PHLDB1: variants seen among roughly 807,000 people sequenced by gnomAD.
The protein encoded by PHLDB1 is pleckstrin homology-like domain family B member 1.
Under a neutral mutation model 139.3 loss-of-function variants are expected in PHLDB1, and 65 were observed. That is an observed-to-expected ratio of 0.47 (90% CI 0.38 to 0.57). The LOEUF (loss-of-function observed/expected upper bound fraction) is 0.57, where lower values mean the gene tolerates loss of function less well. Ranked by LOEUF, PHLDB1 falls within the 20% of genes least tolerant of loss-of-function variation. PHLDB1 has a pLI of 0.00. For missense variants in PHLDB1, 1,624 were observed against 1,839.7 expected (o/e 0.88, Z 2.14); for synonymous variants, 679 against 734.5 (o/e 0.92, Z 1.22).
rs143381600 is a variant in PHLDB1, at chr11:118,645,959, G to A, written c.3507+134G>A. Reference sequence around the variant, plus strand: ...GCCACATTCCCTTGGGGTAGAAAATGTTTTAAAAGGTTGTATTCTGGCCGG... The same window carrying A: ...GCCACATTCCCTTGGGGTAGAAAATATTTTAAAAGGTTGTATTCTGGCCGG... On this transcript the variant is annotated intron_variant, in intron 17 of 22. Coordinates refer to ENST00000600882, the MANE Select transcript of PHLDB1 (RefSeq NM_001144758.3). The surrounding 1 kb of genome is among the most constrained non-coding windows in gnomAD (Gnocchi z 5.1). 3.9e-4 allele frequency: 269 copies of A among 698,466 alleles called. 2 individuals carry two copies. The highest frequency in any genetic ancestry group is 3.4e-3 in the African/African-American group (193 of 57,062). The allele number at this position is 698,466 out of a possible 1,614,324, so 43.3% of individuals were successfully genotyped here. A position where few individuals can be genotyped will look rare whatever the true frequency, so the allele number is the denominator to read the frequency against.
rs57599971 is a variant in PHLDB1, at chr11:118,623,917, T to TGTGAGA, written c.356-1016_356-1015insTGAGAG. Among the ~76,000 whole-genome samples the TGTGAGA allele has an allele frequency of 3.5e-4, 50 of 144,390 alleles. No individual in the cohort carries two copies. In the East Asian group the frequency reaches 5.9e-3, roughly 17 times the overall value. The allele number at this position is 144,390 out of a possible 152,430, so 94.7% of individuals were successfully genotyped here. ...GTGTGTGTGTGTGTGTGTGTGTGTG[T>TGTGAGA]GAGACGGAGTTTCGCTCTGTTGCCC... On this transcript the variant is annotated intron_variant, in intron 4 of 22. Coordinates refer to ENST00000600882, the MANE Select transcript of PHLDB1 (RefSeq NM_001144758.3).
intron 12 of PHLDB1, chr11:118,641,701 G>C (rs868922809): frequency 7.8e-7 from 1 of 1,289,446 alleles, no homozygotes. Context: ...CTGGGCCTCC[G>C]CCTCCCGGGA....
At chr11:118,639,729 C>T (rs1946216165) in intron 12 of PHLDB1, 3 of 438,684 alleles carry the variant, frequency 6.8e-6, no homozygotes, top group Non-Finnish European at 6.2e-6. Context: ...CCAAATAGAA[C>T]ATATCTGGTT....
chr11:118,610,506 GGCCGA>G lies in PHLDB1; in HGVS notation c.-22+2808_-22+2812del. 8.9e-6 allele frequency: 4 copies of G among 450,358 alleles called. No homozygotes were observed. Among genetic ancestry groups the G allele is most frequent in the Non-Finnish European group, 1.2e-5 (4 of 342,796 alleles). 27.9% of individuals were successfully genotyped at this position (450,358 alleles called of 1,614,324 possible). On this transcript the variant is annotated intron_variant, in intron 1 of 22. Transcript: ENST00000600882. The surrounding 1 kb of genome is among the most constrained non-coding windows in gnomAD (Gnocchi z 8.7). ...CATGCACCGCTTGGGCCGAGGCCGA[GGCCGA>G]CCCCCAGGGACACAGGTGAGGCCGG...
At position 118,645,707 on chromosome 11, in the gene PHLDB1, G is replaced by A. The variant is rs1401199896; in HGVS notation, c.3417-28G>A. On this transcript the variant is annotated intron_variant, in intron 16 of 22. Transcript: ENST00000600882. This position sits in a 1 kb window ranked among gnomAD's most constrained non-coding sequence, Gnocchi z 5.1. ...TCAGCCACCGCCTCAGCTCCTTGAT[G>A]CACTTCCTCTTCCCCTTCTCTCCCC... The A allele has an allele frequency of 4.3e-6, 7 of 1,611,236 alleles. No individual in the cohort carries two copies. The highest frequency in any genetic ancestry group is 5.1e-6 in the Non-Finnish European group (6 of 1,177,408).
chr11:118,652,116 G>A (rs552771021), intron 20 of PHLDB1: 2 of 152,428 alleles, frequency 1.3e-5, no homozygotes, highest in South Asian at 2.1e-4. Flanking sequence ...CTCAGAAGAG[G>A]GGAAAGGGCT....
chr11:118,641,738 C>T, intron 12 of PHLDB1: 1 of 1,289,962 alleles, frequency 7.8e-7, no homozygotes, highest in Non-Finnish European at 1.0e-6. Context: ...TGCCTTCCTC[C>T]CATGCTGCCC....
chr11:118,645,867 A>C lies in PHLDB1; in HGVS notation c.3507+42A>C. 1 of 1,276,702 alleles carries C rather than the reference A, an allele frequency of 7.8e-7. No individual in the cohort carries two copies. The highest frequency in any genetic ancestry group is 1.1e-6 in the Non-Finnish European group (1 of 872,854). The allele number at this position is 1,276,702 out of a possible 1,614,324, so 79.1% of individuals were successfully genotyped here. A position where few individuals can be genotyped will look rare whatever the true frequency, so the allele number is the denominator to read the frequency against. ...TCGGGGAGGCAGAAGGTGTTGGGGC[A>C]CAGAGCTACCTACTGCATGTCAAGG... On this transcript the variant is annotated intron_variant, in intron 17 of 22. Transcript: ENST00000600882. The surrounding 1 kb of genome is among the most constrained non-coding windows in gnomAD (Gnocchi z 5.1).
At chr11:118,630,035 T>G (rs1333365065) in intron 6 of PHLDB1, 11 of 1,281,952 alleles carry the variant, frequency 8.6e-6, no homozygotes, top group East Asian at 1.1e-4. Context: ...CCGGTTTTTT[T>G]TTTTTTTTTT....
At chr11:118,639,095 A>AC in intron 11 of PHLDB1, 67 bp from the exon 12 acceptor site, 1 of 1,558,286 alleles carries the variant, frequency 6.4e-7, no homozygotes, top group East Asian at 2.2e-5. Context: ...GGGGTGGAGC[A>AC]CAGGGCCCCC....
intron 15 of PHLDB1, chr11:118,644,671 T>G (rs782064820): frequency 2.3e-6 from 3 of 1,289,500 alleles, no homozygotes; most frequent in Admixed American, 2.3e-5. Flanking sequence ...GCCGAGCCCC[T>G]CCCAACCGAC....
chr11:118,619,465 A>G (rs1408207957), intron 4 of PHLDB1, among the ~76,000 whole-genome samples: 1 of 152,058 alleles, frequency 6.6e-6, no homozygotes, highest in Admixed American at 6.6e-5. Flanking sequence ...GAAGCCTTCA[A>G]CCTTTTTCTG....
chr11:118,635,955 G>T (rs138254790), intron 10 of PHLDB1, among the ~76,000 whole-genome samples: 12 of 152,324 alleles, frequency 7.9e-5, no homozygotes, highest in African/African-American at 2.9e-4. Context: ...CCAGCTAGGG[G>T]CCCTAGAAAG....
At chr11:118,614,778 A>G in intron 3 of PHLDB1, 96 bp downstream of exon 3, 2 of 1,324,832 alleles carry the variant, frequency 1.5e-6, no homozygotes, top group South Asian at 1.4e-5. Context: ...GGGCCCTTCT[A>G]CTGTCTGCTG....
Position 118,626,685 on chromosome 11 carries a change from T to TA in PHLDB1, c.482-620_482-619insA, listed in dbSNP as rs1943934222. 2.8e-5 allele frequency among the ~76,000 whole-genome samples: 4 copies of TA among 142,236 alleles called. No homozygotes were observed. In the South Asian group the frequency reaches 9.0e-4, roughly 32 times the overall value. 93.3% of individuals were successfully genotyped at this position (142,236 alleles called of 152,430 possible). ...GGCGTGAGCCACCACGCCTGGCCTC[T>TA]TTTTTTTTTGAGACAGTCTTGCTGT... On this transcript the variant is annotated intron_variant, in intron 5 of 22. Transcript: ENST00000600882.
In PHLDB1 at chr11:118,645,180, A is replaced by G. The variant is rs1947281336; in HGVS notation, c.3122-176A>G. 3 of 509,402 alleles carry G rather than the reference A, an allele frequency of 5.9e-6. No individual in the cohort carries two copies. The Admixed American group carries it at 1.1e-4, about 19-fold the overall frequency. The allele number at this position is 509,402 out of a possible 1,614,324, so 31.6% of individuals were successfully genotyped here. On this transcript the variant is annotated intron_variant, in intron 15 of 22. Transcript: ENST00000600882. The surrounding 1 kb of genome is among the most constrained non-coding windows in gnomAD (Gnocchi z 5.1). The stretch of plus-strand genomic sequence containing the variant: ...GGCCGGTTGTGCAGGCGACTGAAGC[A>G]TTGGCAGAGCAGCCAGGCCTGGAGC...
intron 1 of PHLDB1, chr11:118,613,491 G>C: frequency 9.7e-7 from 1 of 1,032,766 alleles, no homozygotes; most frequent in South Asian, 3.5e-5. Context: ...ACAGGGCCAA[G>C]GGTCTTCAGC....
chr11:118,625,975 C>T (rs1555100812), intron 5 of PHLDB1, among the ~76,000 whole-genome samples: 1 of 152,202 alleles, frequency 6.6e-6, no homozygotes, highest in African/African-American at 2.4e-5. Context: ...TACCCTGCCC[C>T]CACCCCAGCC....
chr11:118,650,292 C>A lies in PHLDB1; in HGVS notation c.3771+99C>A. 9.7e-7 allele frequency: 1 copy of A among 1,031,224 alleles called. No homozygotes were observed. The highest frequency in any genetic ancestry group is 1.5e-6 in the Non-Finnish European group (1 of 652,004). The allele number at this position is 1,031,224 out of a possible 1,614,324, so 63.9% of individuals were successfully genotyped here. ...TGGAATAGTGGCGTCAGTCTCTACC[C>A]TCACCTAACCAGATCTCTGTCCCAG... is the stretch of plus-strand genomic sequence containing the variant. On this transcript the variant is annotated intron_variant, in intron 19 of 22. Transcript: ENST00000600882. The surrounding 1 kb of genome is among the most constrained non-coding windows in gnomAD (Gnocchi z 4.7).
Sources: allele counts gnomAD v4.1 joint callset (sites outside exome capture counted in the v4.1 genomes callset), GRCh38; gene constraint gnomAD v4.1.1; non-coding constraint Gnocchi (gnomAD v3.1); transcripts MANE v1.5; gene names NCBI Gene and HGNC (gene_info 2026-07-23, HGNC 2026-07-21).